Variants in AHCYL2 observed in about 807,000 individuals in gnomAD.
AHCYL2 encodes the protein S-adenosylhomocysteine hydrolase-like protein 2.
Under a neutral mutation model 81.4 loss-of-function variants are expected in AHCYL2, and 28 were observed. The observed-to-expected ratio is 0.34, with a 90% CI of 0.25 to 0.47. AHCYL2 has a LOEUF of 0.47. Ranked by LOEUF, AHCYL2 falls within the 20% of genes least tolerant of loss-of-function variation. The pLI is 1.00. For missense variants in AHCYL2, 551 were observed against 785.1 expected (o/e 0.70, Z 3.56); for synonymous variants, 272 against 290.2 (o/e 0.94, Z 0.64).
In AHCYL2 at chr7:129,416,075, G is replaced by GT. The variant is rs140251679; in HGVS notation, c.1461+2397dup. On this transcript the variant is annotated intron_variant, in intron 12 of 16. Coordinates refer to ENST00000325006, the MANE Select transcript of AHCYL2 (RefSeq NM_015328.4). ...AAGAAACCAGTGCACAAAATCCAGG[G>GT]TTTTTTTTTTACTCCTAGTCTAGTT... 3.9e-3 allele frequency among the ~76,000 whole-genome samples: 578 copies of GT among 147,758 alleles called. 6 individuals carry two copies. The highest frequency in any genetic ancestry group is 0.012 in the African/African-American group (484 of 40,286).
At chr7:129,269,941 A>T (rs886371156) in intron 1 of AHCYL2, among the ~76,000 whole-genome samples, 31 of 152,250 alleles carry the variant, frequency 2.0e-4, no homozygotes, top group African/African-American at 6.0e-4. Flanking sequence ...TTATAATTTC[A>T]TATTACCATT....
chr7:129,284,321 G>T (rs981464042), intron 1 of AHCYL2, among the ~76,000 whole-genome samples: 1 of 152,170 alleles, frequency 6.6e-6, no homozygotes. Flanking sequence ...TAATTGGCCG[G>T]GCATGGTGGC....
intron 4 of AHCYL2, among the ~76,000 whole-genome samples, chr7:129,391,097 GAT>G (rs1365728746): frequency 6.6e-6 from 1 of 152,064 alleles, no homozygotes; most frequent in Non-Finnish European, 1.5e-5. Context: ...AGAACAATCA[GAT>G]ATTTGTACTA....
At chr7:129,307,492 T>G (rs1284373697) in intron 1 of AHCYL2, among the ~76,000 whole-genome samples, 2 of 151,974 alleles carry the variant, frequency 1.3e-5, no homozygotes, top group Non-Finnish European at 2.9e-5. Context: ...GAACTCACCC[T>G]TCAGGGCAGT....
chr7:129,425,778 A>G (rs75646070), intron 15 of AHCYL2, among the ~76,000 whole-genome samples: 1 of 152,378 alleles, frequency 6.6e-6, no homozygotes, highest in Non-Finnish European at 1.5e-5. Context: ...CACTAGGTAT[A>G]TAACAACTGT....
rs1259727160 is a variant in AHCYL2 at position 129,428,262 on chromosome 7, A to G, written c.*1217A>G. 1 of 152,224 alleles carries G rather than the reference A, an allele frequency of 6.6e-6. No individual in the cohort carries two copies. The highest frequency in any genetic ancestry group is 2.4e-5 in the African/African-American group (1 of 41,454). The allele number at this position is 152,224 out of a possible 1,614,324, so 9.4% of individuals were successfully genotyped here. On this transcript the variant is annotated 3_prime_UTR_variant, in exon 17 of 17. Transcript: ENST00000325006. ...GATCTGTGGACTTCTCTGCTGGCAT[A>G]TCTTTTATGATTTAACCTCTTCCAT...
chr7:129,308,414 A>T (rs1379251841), intron 1 of AHCYL2, among the ~76,000 whole-genome samples: 1 of 152,180 alleles, frequency 6.6e-6, no homozygotes, highest in Non-Finnish European at 1.5e-5. Context: ...CACAGCATAC[A>T]GATTGCCCAT....
At chr7:129,373,756 T>G (rs531120600) in intron 1 of AHCYL2, among the ~76,000 whole-genome samples, 1 of 152,318 alleles carries the variant, frequency 6.6e-6, no homozygotes, top group East Asian at 1.9e-4. Flanking sequence ...GAGCTCCTTT[T>G]TACCTGAGTG....
chr7:129,346,747 T>C (rs1793375442), intron 1 of AHCYL2, among the ~76,000 whole-genome samples: 2 of 152,192 alleles, frequency 1.3e-5, no homozygotes, highest in Admixed American at 1.3e-4. Flanking sequence ...ACTAAACATA[T>C]TCTTACCATA....
At chr7:129,329,129 G>GCAT (rs1478928034) in intron 1 of AHCYL2, among the ~76,000 whole-genome samples, 3 of 152,160 alleles carry the variant, frequency 2.0e-5, no homozygotes, top group Non-Finnish European at 4.4e-5. Flanking sequence ...TGCAACCAAA[G>GCAT]CAATGAGAGA....
rs781216169 is a variant in AHCYL2 at position 129,406,491 on chromosome 7, C to CT, written c.1295+27dup. ...GGTAAGCCTCTACGCTACCATCTCA[C>CT]TTGCAATCTCGGAGCTGTCTCCAAA... is the stretch of plus-strand genomic sequence containing the variant. On this transcript the variant is annotated intron_variant, in intron 10 of 16. Coordinates refer to ENST00000325006, the MANE Select transcript of AHCYL2 (RefSeq NM_015328.4). This position sits in a 1 kb window ranked among gnomAD's most constrained non-coding sequence, Gnocchi z 4.3. 1 of 1,608,096 alleles carries CT rather than the reference C, an allele frequency of 6.2e-7. No homozygotes were observed. The highest frequency in any genetic ancestry group is 1.1e-5 in the South Asian group (1 of 90,920).
At chr7:129,278,523 C>T (rs545033326) in intron 1 of AHCYL2, among the ~76,000 whole-genome samples, 1 of 152,032 alleles carries the variant, frequency 6.6e-6, no homozygotes, top group Admixed American at 6.5e-5. Flanking sequence ...TTTTTATTCT[C>T]TTCACAATGC....
At chr7:129,349,228 T>C (rs1238037482) in intron 1 of AHCYL2, among the ~76,000 whole-genome samples, 1 of 152,016 alleles carries the variant, frequency 6.6e-6, no homozygotes, top group Non-Finnish European at 1.5e-5. Context: ...GCTTTAAAAA[T>C]TAGAAATATT....
intron 1 of AHCYL2, among the ~76,000 whole-genome samples, chr7:129,327,897 G>A (rs1022016651): frequency 3.3e-5 from 5 of 151,984 alleles, no homozygotes; most frequent in African/African-American, 4.8e-5. Context: ...AGGCTCAAGC[G>A]ATCCTCCTGA....
chr7:129,327,478 T>G (rs527378689), intron 1 of AHCYL2, among the ~76,000 whole-genome samples: 18 of 152,290 alleles, frequency 1.2e-4, no homozygotes, highest in South Asian at 1.0e-3. Flanking sequence ...GAAGAAAATA[T>G]ATATCTGAGA....
At chr7:129,322,651 G>C (rs185812929) in intron 1 of AHCYL2, among the ~76,000 whole-genome samples, 1 of 152,228 alleles carries the variant, frequency 6.6e-6, no homozygotes, top group Admixed American at 6.5e-5. Flanking sequence ...GCATGCAGTG[G>C]CATGATCTCT....
At chr7:129,413,775 A>G in intron 12 of AHCYL2, 87 bp downstream of exon 12, 2 of 1,079,356 alleles carry the variant, frequency 1.9e-6, no homozygotes, top group South Asian at 1.3e-5. Context: ...GTCACAAGCC[A>G]TCCTAAACAT....
At chr7:129,285,247 C>G (rs1391799462) in intron 1 of AHCYL2, among the ~76,000 whole-genome samples, 1 of 152,188 alleles carries the variant, frequency 6.6e-6, no homozygotes, top group Non-Finnish European at 1.5e-5. Context: ...GGGCTGCATT[C>G]TTTTCTTTCT....
intron 11 of AHCYL2, chr7:129,410,469 TAAAC>T (rs1188780693): frequency 4.2e-6 from 5 of 1,183,148 alleles, no homozygotes; most frequent in African/African-American, 1.5e-5. Context: ...CGTCATTCAT[TAAAC>T]AAACACTTCT....
Sources: gnomAD v4.1 joint callset for allele counts (sites outside exome capture counted in the v4.1 genomes callset) on GRCh38, gnomAD v4.1.1 for gene constraint, Gnocchi (gnomAD v3.1) non-coding constraint, MANE v1.5 for transcripts, NCBI Gene and HGNC (gene_info 2026-07-23, HGNC 2026-07-21) for gene names.